GRIA4: variants seen among roughly 807,000 people sequenced by gnomAD.
GRIA4 encodes the protein glutamate receptor 4.
Under a neutral mutation model 104.0 loss-of-function variants are expected in GRIA4, and 34 were observed. That is an observed-to-expected ratio of 0.33 (90% confidence interval 0.25 to 0.44). The LOEUF (loss-of-function observed/expected upper bound fraction) is 0.44. Ranked by LOEUF, GRIA4 falls within the 20% of genes least tolerant of loss-of-function variation. The probability of loss-of-function intolerance (pLI) is 1.00; values close to 1 mark genes in which losing one functional copy is unlikely to be tolerated. For missense variants in GRIA4, 750 were observed against 1,096.5 expected, an observed-to-expected ratio of 0.68 and a Z score of 4.46; for synonymous variants, 386 against 381.9, an observed-to-expected ratio of 1.01 and a Z score of -0.13.
At chr11:105,820,773 G>T (rs1943548070) in intron 4 of GRIA4, among the ~76,000 whole-genome samples, 3 of 151,988 alleles carry the variant, frequency 2.0e-5, no homozygotes, top group Admixed American at 2.0e-4. Flanking sequence ...TAGAGACAGG[G>T]TCAGAAATGT....
At chr11:105,811,323 T>C (rs1943163547) in intron 4 of GRIA4, among the ~76,000 whole-genome samples, 1 of 152,206 alleles carries the variant, frequency 6.6e-6, no homozygotes, top group Non-Finnish European at 1.5e-5. Context: ...CTGCAACTTA[T>C]CTGGAAGGCA....
chr11:105,772,836 T>G (rs563779437), intron 4 of GRIA4, among the ~76,000 whole-genome samples: 4 of 152,162 alleles, frequency 2.6e-5, no homozygotes, highest in African/African-American at 9.6e-5. Flanking sequence ...ATTATGAAAA[T>G]GTGTGGGATG....
chr11:105,722,090 C>G (rs1439230783), intron 3 of GRIA4, among the ~76,000 whole-genome samples: 1 of 152,128 alleles, frequency 6.6e-6, no homozygotes, highest in Non-Finnish European at 1.5e-5. Context: ...TTATATGTAA[C>G]TATGAAATTG....
At chr11:105,972,543 AAC>A (rs1287876439) in intron 15 of GRIA4, among the ~76,000 whole-genome samples, 3 of 152,136 alleles carry the variant, frequency 2.0e-5, no homozygotes, top group African/African-American at 4.8e-5. Flanking sequence ...CTGATAGAGA[AAC>A]AGAGTGAACC....
At chr11:105,756,344 G>C (rs986621438) in intron 4 of GRIA4, among the ~76,000 whole-genome samples, 1 of 151,992 alleles carries the variant, frequency 6.6e-6, no homozygotes, top group African/African-American at 2.4e-5. Flanking sequence ...CTCTGTGTCT[G>C]GACTGCAGAT....
At chr11:105,657,640 T>C (rs1040082471) in intron 3 of GRIA4, among the ~76,000 whole-genome samples, 2 of 151,922 alleles carry the variant, frequency 1.3e-5, no homozygotes, top group African/African-American at 2.4e-5. Flanking sequence ...TAGTCTAAAG[T>C]ATCTTTCCCA....
At chr11:105,818,927 T>C (rs948932339) in intron 4 of GRIA4, among the ~76,000 whole-genome samples, 2 of 152,228 alleles carry the variant, frequency 1.3e-5, no homozygotes, top group Non-Finnish European at 2.9e-5. Flanking sequence ...TATGCATGTG[T>C]AACAAAGTCA....
chr11:105,690,440 A>C (rs1049350819), intron 3 of GRIA4, among the ~76,000 whole-genome samples: 11 of 152,200 alleles, frequency 7.2e-5, no homozygotes, highest in African/African-American at 2.2e-4. Flanking sequence ...GTATGGCTTA[A>C]CATTTTAATT....
chr11:105,921,942 G>A (rs1947576989), intron 11 of GRIA4, among the ~76,000 whole-genome samples: 1 of 152,020 alleles, frequency 6.6e-6, no homozygotes, highest in Non-Finnish European at 1.5e-5. Flanking sequence ...TCTAGAACAT[G>A]AAACCAAAGG....
chr11:105,629,373 G>A lies in GRIA4; in HGVS notation c.247+16939G>A, dbSNP rs1950974087. Among the ~76,000 whole-genome samples, 3 of 151,902 alleles carry A rather than the reference G, an allele frequency of 2.0e-5. No homozygotes were observed. The South Asian group carries it at 6.2e-4, about 32-fold the overall frequency. ...TTAGACTGCAGGCAATGGGCTATTA[G>A]GCAGAATAGCTAAATGATAAATATT... On this transcript the variant is annotated intron_variant, in intron 3 of 16. Coordinates refer to ENST00000282499, the MANE Select transcript of GRIA4 (RefSeq NM_000829.4).
At chr11:105,941,665 A>C (rs1948183011) in intron 14 of GRIA4, among the ~76,000 whole-genome samples, 1 of 152,092 alleles carries the variant, frequency 6.6e-6, no homozygotes, top group Non-Finnish European at 1.5e-5. Context: ...AATATTTGGG[A>C]GTTAGCCAGA....
chr11:105,922,440 T>C (rs1054612412), intron 11 of GRIA4, among the ~76,000 whole-genome samples: 23 of 152,294 alleles, frequency 1.5e-4, no homozygotes, highest in South Asian at 8.3e-4. Flanking sequence ...ATTCCATTTC[T>C]AGAAATTTAT....
At chr11:105,700,767 G>T (rs920667650) in intron 3 of GRIA4, among the ~76,000 whole-genome samples, 1 of 151,984 alleles carries the variant, frequency 6.6e-6, no homozygotes, top group Non-Finnish European at 1.5e-5. Context: ...TCAAGCCACC[G>T]TCAACTCTTA....
intron 5 of GRIA4, among the ~76,000 whole-genome samples, chr11:105,863,209 G>T (rs1486483811): frequency 6.6e-6 from 1 of 152,064 alleles, no homozygotes; most frequent in Non-Finnish European, 1.5e-5. Context: ...TTTACTATTT[G>T]CAGGCAAGGG....
chr11:105,937,478 A>T (rs561470183), intron 14 of GRIA4, among the ~76,000 whole-genome samples: 1 of 152,178 alleles, frequency 6.6e-6, no homozygotes, highest in Non-Finnish European at 1.5e-5. Context: ...CGGTTGACAT[A>T]GATTTACTAT....
intron 4 of GRIA4, among the ~76,000 whole-genome samples, chr11:105,838,365 T>C (rs1396723748): frequency 1.3e-5 from 2 of 152,212 alleles, no homozygotes; most frequent in Non-Finnish European, 2.9e-5. Context: ...CACTACTTTA[T>C]AGTTACATAC....
chr11:105,618,443 C>T (rs985761413), intron 3 of GRIA4, among the ~76,000 whole-genome samples: 12 of 151,936 alleles, frequency 7.9e-5, no homozygotes, highest in African/African-American at 2.7e-4. Flanking sequence ...ATAGATCCAA[C>T]GCAGAATTTT....
chr11:105,663,587 A>T (rs917403280), intron 3 of GRIA4, among the ~76,000 whole-genome samples: 2 of 151,968 alleles, frequency 1.3e-5, no homozygotes, highest in Non-Finnish European at 2.9e-5. Context: ...TTGCAAAAGA[A>T]ATCTAACATT....
chr11:105,951,265 T>A (rs1948449315), intron 14 of GRIA4, among the ~76,000 whole-genome samples: 1 of 152,208 alleles, frequency 6.6e-6, no homozygotes, highest in African/African-American at 2.4e-5. Context: ...AGGCAGGGCA[T>A]CTGCATGAAA....
Sources: gnomAD v4.1 joint callset for allele counts (sites outside exome capture counted in the v4.1 genomes callset) on GRCh38, gnomAD v4.1.1 for gene constraint, MANE v1.5 for transcripts, NCBI Gene and HGNC (gene_info 2026-07-23, HGNC 2026-07-21) for gene names.